Variants in ABI1 observed in about 807,000 individuals in gnomAD.
ABI1 encodes the protein abl interactor 1.
ABI1 carries 14 observed loss-of-function variants against 54.6 expected under a neutral mutation model. That is an observed-to-expected ratio of 0.26 (90% CI 0.17 to 0.40). The LOEUF (loss-of-function observed/expected upper bound fraction) is 0.40, where lower values mean the gene tolerates loss of function less well. Among genes scored for constraint, ABI1 ranks in the 10% least tolerant of loss-of-function variants. The pLI is 1.00. For synonymous variants in ABI1, 194 were observed against 209.3 expected, an observed-to-expected ratio of 0.93 and a Z score of 0.63; for missense variants, 443 against 598.3, an observed-to-expected ratio of 0.74 and a Z score of 2.71.
At chr10:26,793,426 T>C (rs1357498657) in intron 2 of ABI1, among the ~76,000 whole-genome samples, 1 of 152,102 alleles carries the variant, frequency 6.6e-6, no homozygotes, top group Non-Finnish European at 1.5e-5. Context: ...ATAAAATAGA[T>C]CTATTTAGAA....
At position 26,765,249 on chromosome 10, in the gene ABI1, C is replaced by T; in HGVS notation, c.789G>A (p.Val263=). ...CAATAGTGGGTGGCGAAGGTGTAGGCACAGCAATGGGAATGCCAATACTAC... is the reference window on the plus strand; with the variant it reads ...CAATAGTGGGTGGCGAAGGTGTAGGTACAGCAATGGGAATGCCAATACTAC... ...GSSSIGIPIA[V]PTPSPPTIGP... Residue 263 remains valine, a synonymous_variant, in exon 7 of 11, where the codon GTG becomes GTA. Coordinates refer to ENST00000376140, the MANE Select transcript of ABI1 (RefSeq NM_001012750.3). 6.2e-7 allele frequency: 1 copy of T among 1,606,332 alleles called. No homozygotes were observed. The highest frequency in any genetic ancestry group is 1.3e-5 in the African/African-American group (1 of 74,428).
At chr10:26,842,801 C>CTAA (rs973137927) in intron 1 of ABI1, among the ~76,000 whole-genome samples, 1 of 152,162 alleles carries the variant, frequency 6.6e-6, no homozygotes, top group Non-Finnish European at 1.5e-5. Flanking sequence ...AATCCCAGCA[C>CTAA]TTTAGGAGGC....
chr10:26,817,103 G>A (rs1264156594), intron 2 of ABI1, among the ~76,000 whole-genome samples: 2 of 151,788 alleles, frequency 1.3e-5, no homozygotes, highest in African/African-American at 2.4e-5. Context: ...GAGTTGAGGC[G>A]ATTCTCCTGC....
chr10:26,851,402 G>A (rs1328698107), intron 1 of ABI1, among the ~76,000 whole-genome samples: 1 of 106,326 alleles, frequency 9.4e-6, no homozygotes, highest in Non-Finnish European at 1.8e-5. Context: ...TGTTACCCAA[G>A]CTGATCTCAA....
intron 1 of ABI1, among the ~76,000 whole-genome samples, chr10:26,853,514 A>T: frequency 6.7e-6 from 1 of 149,928 alleles, no homozygotes; most frequent in East Asian, 2.0e-4. Flanking sequence ...AGCATTAACT[A>T]TCAATTTTAC....
intron 7 of ABI1, among the ~76,000 whole-genome samples, chr10:26,759,813 T>C (rs1838877218): frequency 1.3e-5 from 2 of 152,114 alleles, no homozygotes; most frequent in Admixed American, 6.5e-5. Context: ...CAGTTATTAG[T>C]ATCAATACAT....
At chr10:26,841,316 CATG>C (rs1033848434) in intron 1 of ABI1, among the ~76,000 whole-genome samples, 27 of 151,294 alleles carry the variant, frequency 1.8e-4, no homozygotes, top group Non-Finnish European at 1.5e-5. Context: ...AAGCATACAA[CATG>C]ATGTTATGGG....
At chr10:26,763,302 CATTTAAAATAT>C (rs1839473587) in intron 7 of ABI1, among the ~76,000 whole-genome samples, 1 of 152,184 alleles carries the variant, frequency 6.6e-6, no homozygotes, top group Non-Finnish European at 1.5e-5. Flanking sequence ...TTTACATTGA[CATTTAAAATAT>C]ATTTAAAATT....
chr10:26,772,213 C>T (rs962806856), intron 3 of ABI1, among the ~76,000 whole-genome samples: 13 of 152,002 alleles, frequency 8.6e-5, no homozygotes, highest in African/African-American at 3.1e-4. Context: ...CCCTACCTAA[C>T]CATGACATTT....
At chr10:26,856,217 G>A (rs1378344361) in intron 1 of ABI1, among the ~76,000 whole-genome samples, 1 of 149,800 alleles carries the variant, frequency 6.7e-6, no homozygotes. Flanking sequence ...AGGTTGCAGC[G>A]AGCTGAGATC....
intron 2 of ABI1, among the ~76,000 whole-genome samples, chr10:26,806,756 C>A (rs960173756): frequency 1.3e-5 from 2 of 151,978 alleles, no homozygotes; most frequent in African/African-American, 2.4e-5. Context: ...AAGCAGCACA[C>A]CAAGAAGGAA....
chr10:26,768,957 T>G lies in ABI1; in HGVS notation c.614A>C (p.Lys205Thr), dbSNP rs903512547. Residue 205 changes from lysine to threonine, a missense_variant, in exon 6 of 11, where the codon AAA becomes ACA. By Grantham distance (78) the Lys-to-Thr change is moderately conservative (BLOSUM62 -1). This residue lies in a region of ABI1 where 394 missense variants were observed against 484.8 expected (regional missense o/e 0.81). Transcript: ENST00000376140. ...ATAGTCATTAGGAACTGTTGGGGGTTTAACAGGTTCCAGGGTTTTATAAGG... is the reference window on the plus strand; with the variant it reads ...ATAGTCATTAGGAACTGTTGGGGGTGTAACAGGTTCCAGGGTTTTATAAGG... ...NTPYKTLEPVKPPTVPNDYMT... is the reference protein window; with the variant it reads ...NTPYKTLEPVTPPTVPNDYMT... 6.2e-7 allele frequency: 1 copy of G among 1,612,648 alleles called. No homozygotes were observed. The highest frequency in any genetic ancestry group is 8.5e-7 in the Non-Finnish European group (1 of 1,179,140).
rs1031568513 is a variant in ABI1, at chr10:26,747,970, TTC to T, written c.*598_*599del. ...GTACAAATTACAACATTACAGATAA[TTC>T]TCTTTTTGCTTGTTTCACATGGAGA... is the stretch of plus-strand genomic sequence containing the variant. On this transcript the variant is annotated 3_prime_UTR_variant, in exon 11 of 11. Transcript: ENST00000376140. 1 of 145,726 alleles carries T rather than the reference TTC, an allele frequency of 6.9e-6. No homozygotes were observed. Among genetic ancestry groups the T allele is most frequent in the Non-Finnish European group, 1.2e-5 (1 of 84,816 alleles). The allele number at this position is 145,726 out of a possible 1,614,324, so 9.0% of individuals were successfully genotyped here.
At chr10:26,787,004 T>C (rs888996109) in intron 2 of ABI1, among the ~76,000 whole-genome samples, 1 of 152,258 alleles carries the variant, frequency 6.6e-6, no homozygotes, top group Non-Finnish European at 1.5e-5. Flanking sequence ...TATTGGTTTA[T>C]GTAAGTCAGA....
intron 1 of ABI1, among the ~76,000 whole-genome samples, chr10:26,833,095 C>G (rs2048792863): frequency 6.6e-6 from 1 of 152,196 alleles, no homozygotes; most frequent in Non-Finnish European, 1.5e-5. Flanking sequence ...CTCCCTACCA[C>G]CTCCCACTTA....
chr10:26,772,981 G>C (rs1008312508), intron 3 of ABI1, among the ~76,000 whole-genome samples: 1 of 151,972 alleles, frequency 6.6e-6, no homozygotes, highest in Non-Finnish European at 1.5e-5. Flanking sequence ...GATGGCTGAG[G>C]AGGGAGGATC....
chr10:26,835,292 TAGTC>T (rs773963330), intron 1 of ABI1, among the ~76,000 whole-genome samples: 7 of 151,778 alleles, frequency 4.6e-5, no homozygotes, highest in Non-Finnish European at 7.4e-5. Context: ...AAACTAAAAT[TAGTC>T]AGGCACAATG....
intron 7 of ABI1, among the ~76,000 whole-genome samples, chr10:26,759,818 A>C (rs997365624): frequency 4.6e-5 from 7 of 152,096 alleles, no homozygotes; most frequent in African/African-American, 1.4e-4. Context: ...ATTAGTATCA[A>C]TACATATTAA....
chr10:26,839,808 A>C (rs1003450798), intron 1 of ABI1: 3 of 700,584 alleles, frequency 4.3e-6, no homozygotes, highest in Middle Eastern at 2.5e-4. Context: ...AAAATAAATA[A>C]ATCTTTAAAG....
Sources: gnomAD v4.1 joint callset for allele counts (sites outside exome capture counted in the v4.1 genomes callset) on GRCh38, gnomAD v4.1.1 for gene constraint, gnomAD v4.1.1 regional missense constraint, MANE v1.5 for transcripts, NCBI Gene and HGNC (gene_info 2026-07-23, HGNC 2026-07-21) for gene names.